PMFBP1: variants seen among roughly 807,000 people sequenced by gnomAD.
PMFBP1 encodes the protein polyamine modulated factor 1 binding protein 1.
PMFBP1 carries 131 observed loss-of-function variants against 137.8 expected under a neutral mutation model. That is an observed-to-expected ratio of 0.95 (90% CI 0.82 to 1.10). The LOEUF (loss-of-function observed/expected upper bound fraction) is 1.10, where lower values mean the gene tolerates loss of function less well. PMFBP1 is among the 50% of genes least tolerant of loss of function. The pLI, the probability that PMFBP1 is intolerant of heterozygous loss-of-function variation, is 0.00. For synonymous variants in PMFBP1, 490 were observed against 450.4 expected (o/e 1.09, Z -1.11); for missense variants, 1,199 against 1,175.4 (o/e 1.02, Z -0.29).
chr16:72,248,584 G>A, the PMFBP1 span, among the ~76,000 whole-genome samples: 3 of 152,170 alleles, frequency 2.0e-5, no homozygotes, highest in Non-Finnish European at 2.9e-5. Flanking sequence ...TTATAATTTT[G>A]TTAATGATTC....
upstream of PMFBP1, among the ~76,000 whole-genome samples, chr16:72,180,086 C>A (rs145315866): frequency 1.9e-4 from 29 of 152,288 alleles, no homozygotes; most frequent in African/African-American, 6.7e-4. Flanking sequence ...CCGCACAGTA[C>A]ATGAGCAACC....
Position 72,140,587 on chromosome 16 carries a change from G to A in PMFBP1, c.637-5C>T. 2 of 1,609,094 alleles carry A rather than the reference G, an allele frequency of 1.2e-6. No individual in the cohort carries two copies. The highest frequency in any genetic ancestry group is 1.7e-6 in the Non-Finnish European group (2 of 1,176,692). ...ATCACCCTTGTTCTCAGGCTCCTGAGAGATTTAAAAATAATGGGTTGATTT... is the reference window on the plus strand; with the variant it reads ...ATCACCCTTGTTCTCAGGCTCCTGAAAGATTTAAAAATAATGGGTTGATTT... On this transcript the variant is annotated splice_region_variant and splice_polypyrimidine_tract_variant and intron_variant, in intron 5 of 20. Transcript: ENST00000237353.
chr16:72,248,758 A>C, the PMFBP1 span, among the ~76,000 whole-genome samples: 8 of 152,120 alleles, frequency 5.3e-5, no homozygotes, highest in Admixed American at 3.3e-4. Context: ...CGCCCAATGA[A>C]GTTGAGAATT....
intron 5 of PMFBP1, among the ~76,000 whole-genome samples, chr16:72,145,232 C>G (rs998443801): frequency 3.9e-5 from 6 of 152,176 alleles, no homozygotes; most frequent in Admixed American, 3.9e-4. Context: ...GAAACTCACT[C>G]AAAACCGCAC....
At chr16:72,186,921 T>C in the PMFBP1 span, among the ~76,000 whole-genome samples, 1 of 152,074 alleles carries the variant, frequency 6.6e-6, no homozygotes, top group Non-Finnish European at 1.5e-5. Context: ...GAGACAAGCC[T>C]GGCCAACATG....
At chr16:72,186,042 A>C in the PMFBP1 span, among the ~76,000 whole-genome samples, 1 of 152,188 alleles carries the variant, frequency 6.6e-6, no homozygotes, top group Non-Finnish European at 1.5e-5. Context: ...CCCTCTCTCC[A>C]GGACAGAGCT....
At chr16:72,214,776 A>G in the PMFBP1 span, among the ~76,000 whole-genome samples, 1 of 152,218 alleles carries the variant, frequency 6.6e-6, no homozygotes, top group Admixed American at 6.5e-5. Flanking sequence ...AGATGTCAGC[A>G]GGTACATCAA....
chr16:72,240,148 C>T, the PMFBP1 span, among the ~76,000 whole-genome samples: 1 of 152,172 alleles, frequency 6.6e-6, no homozygotes, highest in Non-Finnish European at 1.5e-5. Flanking sequence ...AAATACCTAA[C>T]AGGTCATATC....
intron 16 of PMFBP1, 117 bp downstream of exon 16, chr16:72,125,121 A>C (rs2042434893): frequency 1.4e-6 from 2 of 1,436,274 alleles, no homozygotes; most frequent in Non-Finnish European, 1.9e-6. Context: ...GAGCCAAGAA[A>C]GTGGAGGGAA....
Position 72,126,140 on chromosome 16 carries a change from G to A in PMFBP1, c.2089-8C>T, listed in dbSNP as rs760907607. ...CTCCTTCTGAAGGGCTATCTTTAAG[G>A]AGGGAGAGCAGAACTGTCAGGGTGC... On this transcript the variant is annotated splice_region_variant and splice_polypyrimidine_tract_variant and intron_variant, in intron 14 of 20. Transcript: ENST00000237353. The A allele has an allele frequency of 6.2e-7, 1 of 1,613,566 alleles. No individual in the cohort carries two copies. Among genetic ancestry groups the A allele is most frequent in the Non-Finnish European group, 8.5e-7 (1 of 1,179,776 alleles).
chr16:72,136,617 C>T lies in PMFBP1; in HGVS notation c.1046-12G>A, dbSNP rs368641795. The T allele has an allele frequency of 6.2e-6, 10 of 1,613,794 alleles. No individual in the cohort carries two copies. Among genetic ancestry groups the T allele is most frequent in the African/African-American group, 4.0e-5 (3 of 74,834 alleles). ...CAGCTTCATCATGTCTACCATGGGG[C>T]GGGACAGAGTCTATGCTCAGGGGAG... On this transcript the variant is annotated splice_polypyrimidine_tract_variant and intron_variant, in intron 8 of 20. Transcript: ENST00000237353.
the PMFBP1 span, among the ~76,000 whole-genome samples, chr16:72,247,919 A>G: frequency 6.6e-6 from 1 of 152,204 alleles, no homozygotes; most frequent in Admixed American, 6.5e-5. Context: ...AGAAACATGA[A>G]TATTAGTTAG....
chr16:72,176,793 C>G (rs2043260898), upstream of PMFBP1: 1 of 152,254 alleles, frequency 6.6e-6, no homozygotes, highest in African/African-American at 2.4e-5. Flanking sequence ...TTAAGTTACT[C>G]TCAGAGATCT....
the PMFBP1 span, among the ~76,000 whole-genome samples, chr16:72,226,400 G>A: frequency 3.3e-5 from 5 of 152,152 alleles, no homozygotes; most frequent in South Asian, 6.2e-4. Flanking sequence ...CAAGTGGTGC[G>A]TAGGCTTCCA....
intron 9 of PMFBP1, among the ~76,000 whole-genome samples, chr16:72,135,114 C>G (rs915294335): frequency 1.3e-5 from 2 of 152,064 alleles, no homozygotes; most frequent in Non-Finnish European, 1.5e-5. Flanking sequence ...GGGCATATCT[C>G]CTCTGTGCCT....
chr16:72,203,811 T>C, the PMFBP1 span, among the ~76,000 whole-genome samples: 1 of 152,224 alleles, frequency 6.6e-6, no homozygotes, highest in South Asian at 2.1e-4. Context: ...CTAGAGTGAA[T>C]TCCCTATGAC....
In PMFBP1 at chr16:72,119,139, G is replaced by A. The variant is rs573473805; in HGVS notation, c.*199C>T. 2 of 557,680 alleles carry A rather than the reference G, an allele frequency of 3.6e-6. No homozygotes were observed. Among genetic ancestry groups the A allele is most frequent in the Admixed American group, 3.3e-5 (1 of 30,598 alleles). 34.5% of individuals were successfully genotyped at this position (557,680 alleles called of 1,614,324 possible). On this transcript the variant is annotated 3_prime_UTR_variant, in exon 21 of 21. Coordinates refer to ENST00000237353, the MANE Select transcript of PMFBP1 (RefSeq NM_031293.3). ...CTTTATTTCAGAGTTTGGGCCTGGA[G>A]ATGGTAGTATGGTTCTAAAGCTCAC...
chr16:72,132,771 G>A lies in PMFBP1; in HGVS notation c.1424C>T (p.Ala475Val). ...VQKLKNSLEE[A>V]KQQERLAAQQ... is the part of the protein sequence containing the mutation. ...ACCAGCCAGCCTCTCCTGCTGCTTG[G>A]CCTCTTCGAGACTGTTCTTCAGCTT... Residue 475 changes from alanine (A) to valine (V), a missense_variant, in exon 10 of 21, where the codon GCC (alanine) becomes GTC (valine). Ala to Val is a moderately conservative substitution (Grantham distance 64, BLOSUM62 0). Coordinates refer to ENST00000237353, the MANE Select transcript of PMFBP1 (RefSeq NM_031293.3). 1 of 1,614,178 alleles carries A rather than the reference G, an allele frequency of 6.2e-7. No homozygotes were observed. The highest frequency in any genetic ancestry group is 8.5e-7 in the Non-Finnish European group (1 of 1,180,038).
chr16:72,162,684 G>A (rs777082757), intron 3 of PMFBP1, among the ~76,000 whole-genome samples: 90 of 152,174 alleles, frequency 5.9e-4, no homozygotes, highest in African/African-American at 1.0e-3. Flanking sequence ...AAAAGAGCTC[G>A]CTTTAAAGCT....
Sources: allele counts gnomAD v4.1 joint callset (sites outside exome capture counted in the v4.1 genomes callset), GRCh38; gene constraint gnomAD v4.1.1; transcripts MANE v1.5; gene names NCBI Gene and HGNC (gene_info 2026-07-23, HGNC 2026-07-21).